The following UGT2B7 variants were observed in gnomAD, a reference collection of about 807,000 sequenced individuals.
The protein encoded by UGT2B7 is UDP-glucuronosyltransferase 2B7.
A neutral mutation model predicts 51.9 loss-of-function variants in UGT2B7; 51 were observed. The observed-to-expected ratio is 0.98, with a 90% CI of 0.78 to 1.24. The LOEUF is 1.24. Among genes scored for constraint, UGT2B7 ranks in the 50% most tolerant of loss-of-function variants. UGT2B7 has a pLI of 0.00. For missense variants in UGT2B7, 727 were observed against 628.4 expected, an observed-to-expected ratio of 1.16 and a Z score of -1.68; for synonymous variants, 225 against 211.6, an observed-to-expected ratio of 1.06 and a Z score of -0.55.
At chr4:69,059,190 T>A (rs572326109) in intron 1 of UGT2B7, among the ~76,000 whole-genome samples, 1 of 152,202 alleles carries the variant, frequency 6.6e-6, no homozygotes, top group Admixed American at 6.5e-5. Flanking sequence ...ATGGACTTTA[T>A]GGTAGACACC....
intron 1 of UGT2B7, among the ~76,000 whole-genome samples, chr4:69,082,315 T>G (rs748663990): frequency 2.6e-5 from 4 of 151,342 alleles, no homozygotes; most frequent in Non-Finnish European, 5.9e-5. Context: ...TAGAAATAAT[T>G]AAGGAACATG....
intron 5 of UGT2B7, among the ~76,000 whole-genome samples, chr4:69,109,967 T>C (rs1719725519): frequency 6.6e-6 from 1 of 151,760 alleles, no homozygotes; most frequent in Non-Finnish European, 1.5e-5. Context: ...ACAAACCAGC[T>C]TGGACAAATA....
At chr4:69,088,380 G>T (rs1405235702) in intron 1 of UGT2B7, among the ~76,000 whole-genome samples, 3 of 151,290 alleles carry the variant, frequency 2.0e-5, no homozygotes, top group African/African-American at 7.3e-5. Flanking sequence ...TATGTGCTGT[G>T]ATTTCTGAAC....
intron 1 of UGT2B7, among the ~76,000 whole-genome samples, chr4:69,057,509 T>G (rs1168905353): frequency 2.0e-5 from 3 of 152,220 alleles, no homozygotes; most frequent in African/African-American, 7.2e-5. Context: ...TACCATATGA[T>G]GCAGCAATCC....
chr4:69,080,074 C>T (rs569972882), intron 1 of UGT2B7, among the ~76,000 whole-genome samples: 2 of 152,152 alleles, frequency 1.3e-5, no homozygotes, highest in Admixed American at 6.5e-5. Flanking sequence ...ATCATCTTGC[C>T]TATTTATGCA....
chr4:69,085,583 T>A, intron 1 of UGT2B7, among the ~76,000 whole-genome samples: 1 of 152,138 alleles, frequency 6.6e-6, no homozygotes, highest in East Asian at 1.9e-4. Flanking sequence ...CTCCTAGGGT[T>A]TTTATGGTTT....
At chr4:69,092,308 T>C (rs1719102122), upstream of UGT2B7, among the ~76,000 whole-genome samples, 1 of 152,186 alleles carries the variant, frequency 6.6e-6, no homozygotes, top group African/African-American at 2.4e-5. Context: ...AATATATTCT[T>C]TAATTGAATT....
intron 1 of UGT2B7, among the ~76,000 whole-genome samples, chr4:69,061,439 C>T (rs931141404): frequency 1.3e-5 from 2 of 152,202 alleles, no homozygotes; most frequent in African/African-American, 4.8e-5. Flanking sequence ...GCAATGGCAA[C>T]TCCACCTTCT....
intron 1 of UGT2B7, chr4:69,066,430 C>G (rs1718485433): frequency 6.6e-6 from 1 of 151,930 alleles, no homozygotes; most frequent in South Asian, 2.1e-4. Context: ...AATCAGATAC[C>G]TTAGTACCAA....
chr4:69,100,636 G>A (rs1022357244), intron 2 of UGT2B7, among the ~76,000 whole-genome samples: 8 of 151,984 alleles, frequency 5.3e-5, no homozygotes, highest in Non-Finnish European at 8.8e-5. Flanking sequence ...GGGAAAAACT[G>A]ATAGTGTCAG....
intron 1 of UGT2B7, among the ~76,000 whole-genome samples, chr4:69,075,916 C>T (rs1242094231): frequency 1.3e-5 from 2 of 152,108 alleles, no homozygotes; most frequent in African/African-American, 2.4e-5. Flanking sequence ...TCTCCTAATG[C>T]TATTCCACCC....
At chr4:69,053,858 G>A (rs1212582508) in intron 1 of UGT2B7, among the ~76,000 whole-genome samples, 1 of 152,152 alleles carries the variant, frequency 6.6e-6, no homozygotes, top group Non-Finnish European at 1.5e-5. Context: ...AGTGGCACTT[G>A]TGCTTTAGTC....
intron 1 of UGT2B7, among the ~76,000 whole-genome samples, chr4:69,085,948 C>A (rs555549925): frequency 1.2e-3 from 183 of 151,490 alleles, no homozygotes; most frequent in Non-Finnish European, 8.4e-4. Flanking sequence ...TTAAATTTTA[C>A]GTATTCAATA....
intron 1 of UGT2B7, chr4:69,069,948 C>A: frequency 6.6e-6 from 1 of 152,144 alleles, no homozygotes; most frequent in South Asian, 2.1e-4. Context: ...TTTAATGTCA[C>A]CACTATGTAT....
intron 1 of UGT2B7, among the ~76,000 whole-genome samples, chr4:69,074,958 A>G (rs1208883137): frequency 6.6e-6 from 1 of 152,148 alleles, no homozygotes; most frequent in African/African-American, 2.4e-5. Flanking sequence ...ACCTCACTAT[A>G]CTATGTTGTT....
Position 69,097,249 on chromosome 4 carries a change from T to C in UGT2B7, c.721+8T>C, listed in dbSNP as rs1187913669. ...TTTATAGTGAAGTTCTAGGTAAGTA[T>C]TTTTTTCAATCAGTAACATGAAGCT... is the stretch of plus-strand genomic sequence containing the variant. On this transcript the variant is annotated splice_region_variant and intron_variant, in intron 1 of 5. Transcript: ENST00000305231. The C allele has an allele frequency of 6.3e-7, 1 of 1,582,946 alleles. No homozygotes were observed. The highest frequency in any genetic ancestry group is 1.9e-5 in the Admixed American group (1 of 52,986).
In UGT2B7 at chr4:69,101,035, A is replaced by G. The variant is rs568852662; in HGVS notation, c.871-1772A>G. 2.4e-3 allele frequency among the ~76,000 whole-genome samples: 360 copies of G among 152,226 alleles called. 1 individual carries two copies. Among genetic ancestry groups the G allele is most frequent in the Non-Finnish European group, 3.9e-3 (265 of 67,990 alleles). On this transcript the variant is annotated intron_variant, in intron 2 of 5. Transcript: ENST00000305231. ...TAAAATTAACATTGGAAGTAATCCAACATCTTAAATGAAGGAATGATTAAA... is the reference window on the plus strand; with the variant it reads ...TAAAATTAACATTGGAAGTAATCCAGCATCTTAAATGAAGGAATGATTAAA...
In UGT2B7 at chr4:69,108,245, A is replaced by T; in HGVS notation, c.1233A>T (p.Ala411=). 3.7e-6 allele frequency: 6 copies of T among 1,613,764 alleles called. No homozygotes were observed. The highest frequency in any genetic ancestry group is 5.1e-6 in the Non-Finnish European group (6 of 1,179,712). The change falls in exon 5 of 6, where the codon GCA becomes GCT. Residue 411 remains alanine (A), a synonymous_variant. Coordinates refer to ENST00000305231, the MANE Select transcript of UGT2B7 (RefSeq NM_001074.4). ...DNIAHMKARG[A]AVRVDFNTMS... ...TTGCTCACATGAAGGCCAGGGGAGC[A>T]GCTGTTAGAGTGGACTTCAACACAA...
chr4:69,074,549 T>C (rs1237011688), intron 1 of UGT2B7, among the ~76,000 whole-genome samples: 1 of 151,790 alleles, frequency 6.6e-6, no homozygotes, highest in East Asian at 1.9e-4. Context: ...TATGGTTTTC[T>C]TGAGGAAATC....
Sources: gnomAD v4.1 joint callset for allele counts (sites outside exome capture counted in the v4.1 genomes callset) on GRCh38, gnomAD v4.1.1 for gene constraint, MANE v1.5 for transcripts, NCBI Gene and HGNC (gene_info 2026-07-23, HGNC 2026-07-21) for gene names.